Variants in HSPA8 observed in about 807,000 individuals in gnomAD.
HSPA8 encodes the protein heat shock cognate 71 kDa protein.
In HSPA8, 2 loss-of-function variants were observed where a neutral mutation model predicts 52.8. The observed-to-expected ratio is 0.04, with a 90% confidence interval of 0.02 to 0.12. HSPA8 has a LOEUF of 0.12. HSPA8 is among the 10% of genes least tolerant of loss of function. The pLI, the probability that HSPA8 is intolerant of heterozygous loss-of-function variation, is 1.00. For missense variants in HSPA8, 349 were observed against 800.5 expected (o/e 0.44, Z 6.81); for synonymous variants, 436 against 274.0 (o/e 1.59, Z -5.84).
At chr11:123,057,948 A>T in intron 8 of HSPA8, 29 bp from the exon 9 acceptor site, 1 of 1,530,102 alleles carries the variant, frequency 6.5e-7, no homozygotes, top group Non-Finnish European at 8.9e-7. Context: ...AATTACTGCA[A>T]GTTCTTTTAA....
At position 123,060,806 on chromosome 11, in the gene HSPA8, A is replaced by C; in HGVS notation, c.206-8T>G. 2 of 1,603,850 alleles carry C rather than the reference A, an allele frequency of 1.2e-6. No homozygotes were observed. The highest frequency in any genetic ancestry group is 1.7e-6 in the Non-Finnish European group (2 of 1,177,618). ...CAATCAGACGTTTGGCATCTGTAAA[A>C]GGTGTCAAATGAAAACACTTTCAAT... On this transcript the variant is annotated splice_polypyrimidine_tract_variant and splice_region_variant and intron_variant, in intron 2 of 8. Transcript: ENST00000534624.
At chr11:123,062,228 C>T (rs995802180), upstream of HSPA8, 145 of 153,114 alleles carry the variant, frequency 9.5e-4, no homozygotes, top group Non-Finnish European at 8.2e-4. Context: ...ACGGCTTCCC[C>T]GGCCAATAGA....
intron 5 of HSPA8, 33 bp from the exon 6 acceptor site, chr11:123,059,294 T>C (rs2135441838): frequency 1.3e-6 from 2 of 1,582,268 alleles, no homozygotes; most frequent in Middle Eastern, 3.3e-4. Flanking sequence ...TAAAAGAAGT[T>C]AAAAGAAAAC....
At position 123,057,680 on chromosome 11, in the gene HSPA8, G is replaced by A. The variant is rs1865345415; in HGVS notation, c.*54C>T. 2.1e-6 allele frequency: 3 copies of A among 1,410,252 alleles called. No individual in the cohort carries two copies. Among genetic ancestry groups the A allele is most frequent in the South Asian group, 1.3e-5 (1 of 74,414 alleles). The allele number at this position is 1,410,252 out of a possible 1,614,324, so 87.4% of individuals were successfully genotyped here. A position where few individuals can be genotyped will look rare whatever the true frequency, so the allele number is the denominator to read the frequency against. On this transcript the variant is annotated 3_prime_UTR_variant, in exon 9 of 9. Coordinates refer to ENST00000534624, the MANE Select transcript of HSPA8 (RefSeq NM_006597.6). ...GCCACAGAATTTGCTACGAATTTAG[G>A]TCCTTCAAATGTTTTAAATGTGTGG...
At chr11:123,059,315 G>A (rs1865419917) in intron 5 of HSPA8, 54 bp from the exon 6 acceptor site, 3 of 1,498,816 alleles carry the variant, frequency 2.0e-6, no homozygotes, top group Admixed American at 1.8e-5. Flanking sequence ...CCAGTACATA[G>A]CTCCTGTTTT....
At position 123,058,381 on chromosome 11, in the gene HSPA8, A is replaced by C. The variant is rs950800868; in HGVS notation, c.1626T>G (p.Leu542=). The C allele has an allele frequency of 4.5e-5, 73 of 1,613,848 alleles. No individual in the cohort carries two copies. The highest frequency in any genetic ancestry group is 5.6e-5 in the Non-Finnish European group (66 of 1,179,900). The part of the protein sequence containing the change: ...QRDKVSSKNS[L]ESYAFNMKAT... ...CTTTCATGTTGAAGGCATAGGACTC[A>C]AGTGAATTCTTGGATGACACCTTGT... Residue 542 remains leucine (L), a synonymous_variant, in exon 8 of 9, where the codon CTT becomes CTG. Coordinates refer to ENST00000534624, the MANE Select transcript of HSPA8 (RefSeq NM_006597.6).
In HSPA8 at chr11:123,060,578, A is replaced by T. The variant is rs1246023658; in HGVS notation, c.411+15T>A. 1 of 1,607,252 alleles carries T rather than the reference A, an allele frequency of 6.2e-7. No homozygotes were observed. The highest frequency in any genetic ancestry group is 1.7e-5 in the Admixed American group (1 of 59,910). Reference sequence around the variant, plus strand: ...CTACTCCGGAATGCACCCCATACTGAAAAACCAACCTCACCTTCCCAAGGT... The same window carrying T: ...CTACTCCGGAATGCACCCCATACTGTAAAACCAACCTCACCTTCCCAAGGT... On this transcript the variant is annotated intron_variant, in intron 3 of 8. Coordinates refer to ENST00000534624, the MANE Select transcript of HSPA8 (RefSeq NM_006597.6).
Position 123,060,727 on chromosome 11 carries a change from T to C in HSPA8, c.277A>G (p.Met93Val), listed in dbSNP as rs1283020583. 6.2e-7 allele frequency: 1 copy of C among 1,613,972 alleles called. No individual in the cohort carries two copies. The highest frequency in any genetic ancestry group is 8.5e-7 in the Non-Finnish European group (1 of 1,179,970). The part of the protein sequence containing the change: ...VQSDMKHWPF[M>V]VVNDAGRPKV... Reference sequence around the variant, plus strand: ...GGCCTGCCAGCATCATTCACCACCATAAAGGGCCAATGTTTCATATCAGAC... The same window carrying C: ...GGCCTGCCAGCATCATTCACCACCACAAAGGGCCAATGTTTCATATCAGAC... Residue 93 changes from methionine to valine, a missense_variant, in exon 3 of 9, where the codon ATG becomes GTG. Met to Val is a conservative substitution (Grantham distance 21). Coordinates refer to ENST00000534624, the MANE Select transcript of HSPA8 (RefSeq NM_006597.6).
rs1305401838 is a variant in HSPA8, at chr11:123,060,573, T to A, written c.411+20A>T. 6.3e-7 allele frequency: 1 copy of A among 1,587,702 alleles called. No homozygotes were observed. Among genetic ancestry groups the A allele is most frequent in the South Asian group, 1.1e-5 (1 of 90,526 alleles). ...TTTAACTACTCCGGAATGCACCCCATACTGAAAAACCAACCTCACCTTCCC... is the reference window on the plus strand; with the variant it reads ...TTTAACTACTCCGGAATGCACCCCAAACTGAAAAACCAACCTCACCTTCCC... On this transcript the variant is annotated intron_variant, in intron 3 of 8. Coordinates refer to ENST00000534624, the MANE Select transcript of HSPA8 (RefSeq NM_006597.6).
At chr11:123,060,939 C>T (rs1035784957) in intron 2 of HSPA8, 141 bp from the exon 3 acceptor site, 14 of 887,818 alleles carry the variant, frequency 1.6e-5, no homozygotes, top group Middle Eastern at 3.4e-4. Context: ...CAAACTTCAA[C>T]CTCCTACGTT....
intron 1 of HSPA8, chr11:123,061,627 G>A (rs1048416798): frequency 9.0e-6 from 4 of 442,814 alleles, no homozygotes; most frequent in Non-Finnish European, 1.2e-5. Context: ...CTCGCCAGGT[G>A]CCAGTGCCCC....
intron 8 of HSPA8, 91 bp from the exon 9 acceptor site, chr11:123,058,010 G>A (rs573769154): frequency 2.8e-5 from 30 of 1,070,728 alleles, no homozygotes; most frequent in Admixed American, 1.4e-4. Flanking sequence ...AAAGTCTGGC[G>A]CAAACTCTTA....
In HSPA8 at chr11:123,060,128, G is replaced by C; in HGVS notation, c.552C>G (p.Gly184=). 2 of 1,614,006 alleles carry C rather than the reference G, an allele frequency of 1.2e-6. No homozygotes were observed. Among genetic ancestry groups the C allele is most frequent in the Middle Eastern group, 1.7e-4 (1 of 6,022 alleles). The part of the protein sequence containing the change: ...NEPTAAAIAY[G]LDKKVGAERN... ...AAATGGTACATACCTTTTTGTCTAA[G>C]CCGTAAGCAATAGCAGCAGCAGTTG... Residue 184 remains glycine, a synonymous_variant, in exon 4 of 9, where the codon GGC becomes GGG. Transcript: ENST00000534624.
rs775427523 is a variant in HSPA8, at chr11:123,060,021, G to A, written c.572C>T (p.Ala191Val). 3 of 1,613,876 alleles carry A rather than the reference G, an allele frequency of 1.9e-6. No homozygotes were observed. The highest frequency in any genetic ancestry group is 1.7e-6 in the Non-Finnish European group (2 of 1,179,876). Residue 191 changes from alanine (A) to valine (V), a missense_variant, in exon 5 of 9, where the codon GCA (alanine) becomes GTA (valine). Physicochemically the swap from Ala to Val is moderately conservative, Grantham distance 64. Coordinates refer to ENST00000534624, the MANE Select transcript of HSPA8 (RefSeq NM_006597.6). ...IAYGLDKKVG[A>V]ERNVLIFDLG... ...GTCAAAGATGAGCACGTTTCTTTCT[G>A]CTCCAACCTGCCGTTAAAAACAATC...
In HSPA8 at chr11:123,058,528, T is replaced by C. The variant is rs1206044213; in HGVS notation, c.1523-44A>G. 1.9e-6 allele frequency: 3 copies of C among 1,590,414 alleles called. No homozygotes were observed. The East Asian group carries it at 6.7e-5, about 36-fold the overall frequency. On this transcript the variant is annotated intron_variant, in intron 7 of 8. Coordinates refer to ENST00000534624, the MANE Select transcript of HSPA8 (RefSeq NM_006597.6). ...CTAAGTAAAAGCCTTAAATTACCTG[T>C]GTATGTGTAACTCTAGTTTCTCTTA...
In HSPA8 at chr11:123,061,529, C is replaced by T. The variant is rs1025074765; in HGVS notation, c.-5-200G>A. 8.4e-6 allele frequency: 5 copies of T among 597,976 alleles called. No individual in the cohort carries two copies. The African/African-American group carries it at 9.3e-5, about 11-fold the overall frequency. The allele number at this position is 597,976 out of a possible 1,614,324, so 37.0% of individuals were successfully genotyped here. A position where few individuals can be genotyped will look rare whatever the true frequency, so the allele number is the denominator to read the frequency against. ...CGTGCCAACCGCAGCAGAGCACGCC[C>T]TAGATGAAGGACCCATCTACCCAGA... On this transcript the variant is annotated intron_variant, in intron 1 of 8. Coordinates refer to ENST00000534624, the MANE Select transcript of HSPA8 (RefSeq NM_006597.6).
Position 123,057,824 on chromosome 11 carries a change from C to T in HSPA8, c.1851G>A (p.Met617Ile). The stretch of plus-strand genomic sequence containing the variant: ...GAAATCCCCCAGGCATTCCTCCTGG[C>T]ATGCCTCCTGCACTCTGGTACAGCT... ...ITKLYQSAGG[M>I]PGGMPGGFPG... The change falls in exon 9 of 9, where the codon ATG (methionine) becomes ATA (isoleucine). Residue 617 changes from methionine to isoleucine, a missense_variant. Physicochemically the swap from Met to Ile is conservative, Grantham distance 10. Transcript: ENST00000534624. The T allele has an allele frequency of 6.2e-7, 1 of 1,612,716 alleles. No homozygotes were observed. The highest frequency in any genetic ancestry group is 8.5e-7 in the Non-Finnish European group (1 of 1,178,724).
At position 123,059,308 on chromosome 11, in the gene HSPA8, G is replaced by A. The variant is rs138440661; in HGVS notation, c.1121-47C>T. The A allele has an allele frequency of 3.2e-4, 478 of 1,513,500 alleles. 2 individuals are homozygous for A. Among genetic ancestry groups the A allele is most frequent in the Middle Eastern group, 2.0e-3 (12 of 5,886 alleles). 93.8% of individuals were successfully genotyped at this position (1,513,500 alleles called of 1,614,324 possible). On this transcript the variant is annotated intron_variant, in intron 5 of 8. Coordinates refer to ENST00000534624, the MANE Select transcript of HSPA8 (RefSeq NM_006597.6). ...TTAAAAGAAGTTAAAAGAAAACCCA[G>A]TACATAGCTCCTGTTTTAACTATCA... is the stretch of plus-strand genomic sequence containing the variant.
At chr11:123,059,012 C>T in intron 6 of HSPA8, 47 bp downstream of exon 6, 1 of 1,543,976 alleles carries the variant, frequency 6.5e-7, no homozygotes, top group Non-Finnish European at 9.0e-7. Context: ...CAAGACTTCC[C>T]TTTATCTGTT....
Sources: gnomAD v4.1 joint callset for allele counts on GRCh38, gnomAD v4.1.1 for gene constraint, MANE v1.5 for transcripts, NCBI Gene and HGNC (gene_info 2026-07-23, HGNC 2026-07-21) for gene names.